PRICKLE2: variants seen among roughly 807,000 people sequenced by gnomAD.
PRICKLE2 encodes prickle-like protein 2.
A neutral mutation model predicts 81.4 loss-of-function variants in PRICKLE2; 21 were observed. The ratio of observed to expected loss-of-function variants is 0.26; its 90% confidence interval spans 0.18 to 0.37. PRICKLE2 has a LOEUF of 0.37. Among genes scored for constraint, PRICKLE2 ranks in the 10% least tolerant of loss-of-function variants. The pLI is 1.00. For synonymous variants in PRICKLE2, 456 were observed against 421.5 expected, an observed-to-expected ratio of 1.08 and a Z score of -1.00; for missense variants, 940 against 1,109.0, an observed-to-expected ratio of 0.85 and a Z score of 2.16.
At chr3:64,200,673 T>C (rs1429808520) in intron 1 of PRICKLE2, 7 of 152,200 alleles carry the variant, frequency 4.6e-5, no homozygotes, top group African/African-American at 1.7e-4. Context: ...TGGAGTGCAG[T>C]GGTGCCATCT....
intron 1 of PRICKLE2, among the ~76,000 whole-genome samples, chr3:64,218,123 G>T (rs2078900816): frequency 6.6e-6 from 1 of 152,116 alleles, no homozygotes; most frequent in Admixed American, 6.5e-5. Context: ...ATTTAAAATA[G>T]CCAAAACCTC....
At chr3:64,205,504 G>A (rs142725931) in intron 1 of PRICKLE2, among the ~76,000 whole-genome samples, 265 of 152,282 alleles carry the variant, frequency 1.7e-3, no homozygotes, top group Non-Finnish European at 2.9e-3. Context: ...TGGGGACAGG[G>A]TTGGTGGCAG....
At chr3:64,161,740 C>G (rs1448192924) in intron 3 of PRICKLE2, among the ~76,000 whole-genome samples, 1 of 149,850 alleles carries the variant, frequency 6.7e-6, no homozygotes, top group East Asian at 1.9e-4. Context: ...AAAAAAGTCT[C>G]CATGTAAACG....
chr3:64,109,050 C>T (rs965560324), intron 7 of PRICKLE2, among the ~76,000 whole-genome samples: 2 of 152,024 alleles, frequency 1.3e-5, no homozygotes, highest in East Asian at 3.9e-4. Flanking sequence ...TGTCCTCCAC[C>T]TGCTGCTTGA....
intron 7 of PRICKLE2, chr3:64,141,745 T>C (rs745542720): frequency 6.3e-6 from 6 of 951,614 alleles, no homozygotes; most frequent in Non-Finnish European, 7.5e-6. Context: ...CAGCTATCTG[T>C]TTTTTCAGAT....
rs553174323 is a variant in PRICKLE2 at position 64,110,563 on chromosome 3, A to C, written c.1661-10638T>G. Among the ~76,000 whole-genome samples the C allele has an allele frequency of 8.5e-4, 130 of 152,322 alleles. 1 individual carries two copies. The highest frequency in any genetic ancestry group is 3.0e-3 in the African/African-American group (123 of 41,578). On this transcript the variant is annotated intron_variant, in intron 7 of 7. Coordinates refer to ENST00000638394, the MANE Select transcript of PRICKLE2 (RefSeq NM_198859.4). The stretch of plus-strand genomic sequence containing the variant: ...AAAGGGGATGCTATGGCAGAGAATA[A>C]AGACTGGACCTACTTTGAGTGCTGG...
upstream of PRICKLE2, among the ~76,000 whole-genome samples, chr3:64,228,242 AG>A: frequency 6.6e-6 from 1 of 152,296 alleles, no homozygotes; most frequent in Non-Finnish European, 1.5e-5. Flanking sequence ...GCCTTAAAAG[AG>A]CTTGGCAATC....
intron 7 of PRICKLE2, among the ~76,000 whole-genome samples, chr3:64,110,446 C>T (rs153712): frequency 0.54 from 81,768 of 151,982 alleles, 22,714 homozygotes; most frequent in East Asian, 0.78. Context: ...AAGAGGACAA[C>T]GTAGAAGGAT....
At chr3:64,237,006 G>A (rs901547597) in intron 2 of PRICKLE2, among the ~76,000 whole-genome samples, 1 of 152,180 alleles carries the variant, frequency 6.6e-6, no homozygotes, top group Admixed American at 6.5e-5. Flanking sequence ...TCATGAAGGG[G>A]TTGGCTCATT....
intron 7 of PRICKLE2, among the ~76,000 whole-genome samples, chr3:64,143,174 A>G (rs1015057831): frequency 6.6e-6 from 1 of 152,256 alleles, no homozygotes; most frequent in African/African-American, 2.4e-5. Flanking sequence ...AAAATTAAAT[A>G]AAATTTAAAC....
intron 7 of PRICKLE2, chr3:64,101,869 G>C (rs2076669694): frequency 6.6e-6 from 1 of 152,208 alleles, no homozygotes; most frequent in Admixed American, 6.5e-5. Flanking sequence ...TTGCTTATTA[G>C]TTGCAAGGGA....
intron 7 of PRICKLE2, among the ~76,000 whole-genome samples, chr3:64,140,028 G>T (rs2077336454): frequency 6.6e-6 from 1 of 152,202 alleles, no homozygotes; most frequent in Non-Finnish European, 1.5e-5. Flanking sequence ...GCTCAGCATT[G>T]CATTCCCAGC....
At chr3:64,125,348 C>A (rs1389510426) in intron 7 of PRICKLE2, among the ~76,000 whole-genome samples, 2 of 152,216 alleles carry the variant, frequency 1.3e-5, no homozygotes, top group Admixed American at 6.5e-5. Flanking sequence ...GTGGATAAAG[C>A]AGTGGCAGGG....
At chr3:64,265,289 A>G (rs1188660530) in intron 2 of PRICKLE2, among the ~76,000 whole-genome samples, 1 of 152,180 alleles carries the variant, frequency 6.6e-6, no homozygotes, top group Non-Finnish European at 1.5e-5. Flanking sequence ...TTGGAACATC[A>G]CATTTAAACC....
chr3:64,110,959 C>CAACA (rs1377978629), intron 7 of PRICKLE2, among the ~76,000 whole-genome samples: 76 of 63,876 alleles, frequency 1.2e-3, no homozygotes, highest in Non-Finnish European at 1.9e-3. Flanking sequence ...GACTCCATCT[C>CAACA]AAAAAAAAAA....
At chr3:64,208,532 G>C (rs192654772) in intron 1 of PRICKLE2, among the ~76,000 whole-genome samples, 2 of 152,290 alleles carry the variant, frequency 1.3e-5, no homozygotes, top group Admixed American at 1.3e-4. Flanking sequence ...AAAAGATCAA[G>C]GCCTCCAGGT....
intron 2 of PRICKLE2, among the ~76,000 whole-genome samples, chr3:64,197,473 T>C (rs918987611): frequency 2.6e-5 from 4 of 152,186 alleles, no homozygotes; most frequent in African/African-American, 9.7e-5. Flanking sequence ...TTGAGTTCCT[T>C]ATAGAGTCTA....
intron 2 of PRICKLE2, among the ~76,000 whole-genome samples, chr3:64,234,562 C>T (rs886756480): frequency 6.6e-6 from 1 of 151,980 alleles, no homozygotes; most frequent in African/African-American, 2.4e-5. Context: ...GGAACATGTC[C>T]CTTATTAGAT....
intron 5 of PRICKLE2, 48 bp downstream of exon 5, chr3:64,157,114 G>A (rs2077647455): frequency 1.3e-6 from 2 of 1,523,932 alleles, no homozygotes; most frequent in South Asian, 1.1e-5. Context: ...TGGCTATGGT[G>A]CAATGAAGGG....
Sources: allele counts gnomAD v4.1 joint callset (sites outside exome capture counted in the v4.1 genomes callset), GRCh38; gene constraint gnomAD v4.1.1; transcripts MANE v1.5; gene names NCBI Gene and HGNC (gene_info 2026-07-23, HGNC 2026-07-21).